The following MYBL2 variants were observed in gnomAD, a reference collection of about 807,000 sequenced individuals.
MYBL2 encodes myb-related protein B.
MYBL2 carries 28 observed loss-of-function variants against 79.9 expected under a neutral mutation model. That is an observed-to-expected ratio of 0.35 (90% CI 0.26 to 0.48). The LOEUF (loss-of-function observed/expected upper bound fraction) is 0.48, where lower values mean the gene tolerates loss of function less well. Ranked by LOEUF, MYBL2 falls within the 20% of genes least tolerant of loss-of-function variation. The pLI is 0.99. For missense variants in MYBL2, 735 were observed against 893.9 expected (o/e 0.82, Z 2.27); for synonymous variants, 378 against 361.2 (o/e 1.05, Z -0.53).
intron 4 of MYBL2, among the ~76,000 whole-genome samples, chr20:43,686,045 AT>A (rs1227316573): frequency 6.6e-6 from 1 of 152,222 alleles, no homozygotes; most frequent in African/African-American, 2.4e-5. Context: ...CTCAAAAAAA[AT>A]AAATAAAAAA....
chr20:43,708,252 A>G (rs1451775367), intron 9 of MYBL2, among the ~76,000 whole-genome samples: 1 of 151,904 alleles, frequency 6.6e-6, no homozygotes, highest in Non-Finnish European at 1.5e-5. Flanking sequence ...GGTGTGCACC[A>G]CCATGCTTGG....
chr20:43,706,719 G>GTGTTTTTTTTTTTTTTTT (rs1987791193), intron 9 of MYBL2, among the ~76,000 whole-genome samples: 2 of 70,780 alleles, frequency 2.8e-5, no homozygotes, highest in African/African-American at 1.2e-4. Context: ...AAAAAAAAAA[G>GTGTTTTTTTTTTTTTTTT]TTTTTTTTTT....
rs759118383 is a variant in MYBL2 at position 43,702,687 on chromosome 20, G to C, written c.1149G>C (p.Arg383=). 1 of 1,613,748 alleles carries C rather than the reference G, an allele frequency of 6.2e-7. No individual in the cohort carries two copies. ...GCCACACCATCTCAGACCTGAGCCG[G>C]AGCAGCCGGGGCGAGCTGATCCCCA... The part of the protein sequence containing the change: ...LDGHTISDLS[R]SSRGELIPIS... Residue 383 remains arginine (R), a synonymous_variant, in exon 8 of 14, where the codon CGG becomes CGC. Transcript: ENST00000217026.
In MYBL2 at chr20:43,715,956, C is replaced by T. The variant is rs935920145; in HGVS notation, c.1975-3C>T. On this transcript the variant is annotated splice_polypyrimidine_tract_variant and splice_region_variant and intron_variant, in intron 13 of 13. Coordinates refer to ENST00000217026, the MANE Select transcript of MYBL2 (RefSeq NM_002466.4). ...GGATGGTAACCCTCTTGCCTCCTCCCAGATGTCCAGTGCCTGGAAGACGGT... is the reference window on the plus strand; with the variant it reads ...GGATGGTAACCCTCTTGCCTCCTCCTAGATGTCCAGTGCCTGGAAGACGGT... 1.2e-6 allele frequency: 2 copies of T among 1,609,414 alleles called. No individual in the cohort carries two copies. The highest frequency in any genetic ancestry group is 1.7e-6 in the Non-Finnish European group (2 of 1,178,782).
At position 43,699,868 on chromosome 20, in the gene MYBL2, A is replaced by G. The variant is rs778911042; in HGVS notation, c.775A>G (p.Thr259Ala). ...ATCGAAGGAACAGGAGCCCATCGGTACAGATCTGGACGCAGTGCGAACACC... is the reference window on the plus strand; with the variant it reads ...ATCGAAGGAACAGGAGCCCATCGGTGCAGATCTGGACGCAGTGCGAACACC... ...TTSKEQEPIG[T>A]DLDAVRTPEP... Residue 259 changes from threonine (T) to alanine (A), a missense_variant, in exon 7 of 14, where the codon ACA becomes GCA. Transcript: ENST00000217026. 6.2e-7 allele frequency: 1 copy of G among 1,614,026 alleles called. No individual in the cohort carries two copies. Among genetic ancestry groups the G allele is most frequent in the South Asian group, 1.1e-5 (1 of 91,078 alleles).
At chr20:43,707,202 AAAAG>A (rs1333377946) in intron 9 of MYBL2, among the ~76,000 whole-genome samples, 3 of 151,424 alleles carry the variant, frequency 2.0e-5, no homozygotes, top group Admixed American at 6.6e-5. Flanking sequence ...TTTTAAAAAA[AAAAG>A]AGAAAAAAGA....
intron 8 of MYBL2, among the ~76,000 whole-genome samples, chr20:43,704,179 AT>A (rs557811408): frequency 1.3e-3 from 192 of 151,654 alleles, no homozygotes; most frequent in Admixed American, 3.3e-3. Context: ...ATGCCCGGCT[AT>A]TTTTTTTGTA....
chr20:43,674,198 C>T (rs1213761690), intron 2 of MYBL2, among the ~76,000 whole-genome samples: 5 of 135,450 alleles, frequency 3.7e-5, no homozygotes, highest in African/African-American at 1.4e-4. Context: ...CTTTTGACTG[C>T]TAGGAGGTTT....
intron 2 of MYBL2, among the ~76,000 whole-genome samples, chr20:43,679,103 C>T (rs535569765): frequency 3.3e-5 from 5 of 152,076 alleles, no homozygotes; most frequent in African/African-American, 9.6e-5. Context: ...CTGGGGAACA[C>T]AGAAGGAAGC....
intron 10 of MYBL2, 105 bp downstream of exon 10, chr20:43,710,167 T>C (rs1416128171): frequency 1.1e-6 from 1 of 887,676 alleles, no homozygotes; most frequent in Non-Finnish European, 1.7e-6. Context: ...TCTCATTTGA[T>C]TCTTTCTCCT....
At chr20:43,709,443 C>T (rs1223538840) in intron 9 of MYBL2, among the ~76,000 whole-genome samples, 1 of 152,178 alleles carries the variant, frequency 6.6e-6, no homozygotes, top group Non-Finnish European at 1.5e-5. Context: ...TGCTTCTGGA[C>T]CAGACCATCC....
rs757450066 is a variant in MYBL2, at chr20:43,686,879, A to G, written c.307A>G (p.Thr103Ala). The G allele has an allele frequency of 1.2e-6, 2 of 1,614,086 alleles. No homozygotes were observed. The highest frequency in any genetic ancestry group is 2.7e-5 in the African/African-American group (2 of 74,930). Reference sequence around the variant, plus strand: ...CATCGAGCTGGTTAAGAAGTATGGCACAAAGCAGTGGACACTGATTGCCAA... The same window carrying G: ...CATCGAGCTGGTTAAGAAGTATGGCGCAAAGCAGTGGACACTGATTGCCAA... ...KVIELVKKYG[T>A]KQWTLIAKHL... Residue 103 changes from threonine (T) to alanine (A), a missense_variant, in exon 5 of 14, where the codon ACA becomes GCA. Around this residue, in one of 5 missense-constraint regions of MYBL2, gnomAD observed 65 missense variants for 145.2 expected, o/e 0.45. Transcript: ENST00000217026.
chr20:43,698,968 G>C (rs896888551), intron 6 of MYBL2, among the ~76,000 whole-genome samples: 34 of 151,918 alleles, frequency 2.2e-4, no homozygotes, highest in African/African-American at 8.0e-4. Context: ...CTCCCAAAGT[G>C]CTAGAGTTAC....
At chr20:43,670,395 A>G (rs1014232730) in intron 1 of MYBL2, among the ~76,000 whole-genome samples, 3 of 152,034 alleles carry the variant, frequency 2.0e-5, no homozygotes, top group African/African-American at 7.2e-5. Flanking sequence ...TGTATTGCTG[A>G]CTGTAGACAC....
Position 43,716,338 on chromosome 20 carries a change from G to A in MYBL2, c.*251G>A, listed in dbSNP as rs536904172. 9.5e-5 allele frequency: 50 copies of A among 528,460 alleles called. No homozygotes were observed. The South Asian group carries it at 1.3e-3, about 13-fold the overall frequency. The allele number at this position is 528,460 out of a possible 1,614,324, so 32.7% of individuals were successfully genotyped here. ...GCCTGGTTCCCTCCCCAAGGCCACA[G>A]GGAGCTCCGTCAGCTTCTCCCAAGC... On this transcript the variant is annotated 3_prime_UTR_variant, in exon 14 of 14. Coordinates refer to ENST00000217026, the MANE Select transcript of MYBL2 (RefSeq NM_002466.4).
chr20:43,675,523 G>C (rs1986984452), intron 2 of MYBL2, among the ~76,000 whole-genome samples: 1 of 152,008 alleles, frequency 6.6e-6, no homozygotes, highest in Non-Finnish European at 1.5e-5. Flanking sequence ...ATGTTGGCCA[G>C]GCTAGTCTTG....
intron 2 of MYBL2, among the ~76,000 whole-genome samples, chr20:43,680,635 C>T (rs182097599): frequency 2.1e-4 from 32 of 152,236 alleles, no homozygotes; most frequent in Admixed American, 1.3e-3. Context: ...GCTGGGATTA[C>T]AGGCACCCAC....
rs753850459 is a variant in MYBL2, at chr20:43,710,003, C to A, written c.1546C>A (p.Pro516Thr). 5.0e-6 allele frequency: 8 copies of A among 1,609,202 alleles called. No homozygotes were observed. The highest frequency in any genetic ancestry group is 6.8e-6 in the Non-Finnish European group (8 of 1,177,800). Residue 516 changes from proline (P) to threonine (T), a missense_variant, in exon 10 of 14, where the codon CCC becomes ACC. By Grantham distance (38) the Pro-to-Thr change is conservative (BLOSUM62 -1). This residue lies in a region of MYBL2 where 243 missense variants were observed against 327.2 expected (regional missense o/e 0.74). Transcript: ENST00000217026. ...PDQKYSMDNT[P>T]HTPTPFKNAL... is the part of the protein sequence containing the mutation. ...TCAGAAGTACTCCATGGACAACACT[C>A]CCCACACGCCAACCCCGTTCAAGAA...
chr20:43,678,583 G>A (rs1372850573), intron 2 of MYBL2, among the ~76,000 whole-genome samples: 2 of 152,060 alleles, frequency 1.3e-5, no homozygotes, highest in East Asian at 1.9e-4. Flanking sequence ...GTGGCCTGGC[G>A]CGGTGGCTCA....
Sources: gnomAD v4.1 joint callset for allele counts (sites outside exome capture counted in the v4.1 genomes callset) on GRCh38, gnomAD v4.1.1 for gene constraint, gnomAD v4.1.1 regional missense constraint, MANE v1.5 for transcripts, NCBI Gene and HGNC (gene_info 2026-07-23, HGNC 2026-07-21) for gene names.